The following ATP8A2 variants were observed in gnomAD, a reference collection of about 807,000 sequenced individuals.
ATP8A2 encodes phospholipid-transporting ATPase IB.
Under a neutral mutation model 165.6 loss-of-function variants are expected in ATP8A2, and 100 were observed. The observed-to-expected ratio is 0.60, with a 90% confidence interval of 0.51 to 0.71. The LOEUF (loss-of-function observed/expected upper bound fraction) is 0.71, where lower values mean the gene tolerates loss of function less well. Among genes scored for constraint, ATP8A2 ranks in the 30% least tolerant of loss-of-function variants. The probability of loss-of-function intolerance (pLI) is 0.00; values close to 1 mark genes in which losing one functional copy is unlikely to be tolerated. For missense variants in ATP8A2, 1,227 were observed against 1,479.5 expected, an observed-to-expected ratio of 0.83 and a Z score of 2.80; for synonymous variants, 543 against 548.8, an observed-to-expected ratio of 0.99 and a Z score of 0.15.
chr13:26,007,281 A>C (rs1286512093), intron 35 of ATP8A2, among the ~76,000 whole-genome samples: 1 of 152,204 alleles, frequency 6.6e-6, no homozygotes, highest in Non-Finnish European at 1.5e-5. Context: ...CCTTTCCTCC[A>C]AAGAAGAGAA....
intron 2 of ATP8A2, among the ~76,000 whole-genome samples, chr13:25,522,509 A>G (rs188360641): frequency 1.1e-3 from 173 of 152,052 alleles, no homozygotes; most frequent in African/African-American, 3.9e-3. Context: ...AAGGCTTTCA[A>G]TTTTTCCCAG....
chr13:25,429,496 C>T (rs565504950), intron 1 of ATP8A2, among the ~76,000 whole-genome samples: 1 of 151,750 alleles, frequency 6.6e-6, no homozygotes, highest in African/African-American at 2.4e-5. Flanking sequence ...AGCTGGATGG[C>T]TGGGTGGGTG....
intron 25 of ATP8A2, among the ~76,000 whole-genome samples, chr13:25,733,885 A>G (rs1037247887): frequency 6.6e-6 from 1 of 152,124 alleles, no homozygotes; most frequent in African/African-American, 2.4e-5. Context: ...CTTTGATGTC[A>G]GCACCTTTTT....
intron 27 of ATP8A2, among the ~76,000 whole-genome samples, chr13:25,793,109 G>A (rs2045224881): frequency 6.6e-6 from 1 of 152,148 alleles, no homozygotes; most frequent in Non-Finnish European, 1.5e-5. Flanking sequence ...CACACTGACT[G>A]TAAAAAGTTC....
intron 1 of ATP8A2, among the ~76,000 whole-genome samples, chr13:25,423,528 AT>A (rs890890082): frequency 3.3e-5 from 5 of 152,064 alleles, no homozygotes; most frequent in Non-Finnish European, 5.9e-5. Context: ...CTTCCATGTG[AT>A]TTTTTTCTAA....
At chr13:25,775,010 A>G in intron 27 of ATP8A2, 51 bp downstream of exon 27, 2 of 1,032,288 alleles carry the variant, frequency 1.9e-6, no homozygotes, top group Non-Finnish European at 1.5e-6. Context: ...TTAAGAGGAT[A>G]TCTTGAGGTA....
chr13:25,609,835 C>A (rs960765233), intron 24 of ATP8A2, among the ~76,000 whole-genome samples: 13 of 151,044 alleles, frequency 8.6e-5, no homozygotes, highest in African/African-American at 3.2e-4. Flanking sequence ...GGTGGTATCC[C>A]ATTGTGGTTT....
intron 1 of ATP8A2, among the ~76,000 whole-genome samples, chr13:25,425,142 A>G (rs540334021): frequency 5.1e-4 from 78 of 152,212 alleles, no homozygotes; most frequent in Admixed American, 2.2e-3. Flanking sequence ...GCTGAAGTAC[A>G]CACCCTGAAA....
intron 25 of ATP8A2, among the ~76,000 whole-genome samples, chr13:25,742,681 C>T (rs200370067): frequency 0.03 from 3,909 of 130,676 alleles, 62 homozygotes; most frequent in South Asian, 0.053. Context: ...CTCTCTCTGT[C>T]TTTTTTTTTT....
intron 17 of ATP8A2, among the ~76,000 whole-genome samples, chr13:25,571,396 C>G (rs1223664018): frequency 6.6e-6 from 1 of 152,228 alleles, no homozygotes; most frequent in Non-Finnish European, 1.5e-5. Context: ...GGTGAATTAG[C>G]ATATATCCAA....
At chr13:25,807,141 C>T (rs1316316111) in intron 27 of ATP8A2, among the ~76,000 whole-genome samples, 1 of 121,274 alleles carries the variant, frequency 8.2e-6, no homozygotes, top group East Asian at 2.5e-4. Flanking sequence ...TGTCTTTTCA[C>T]CTTCTTTATA....
rs367895127 is a variant in ATP8A2 at position 25,879,882 on chromosome 13, A to G, written c.3183+17474A>G. ...GAATATCTTCTCCCAGTGAGAAGAC[A>G]TATTTGCCTAACTCAATCGATAATT... On this transcript the variant is annotated intron_variant, in intron 33 of 36. Transcript: ENST00000381655. Among the ~76,000 whole-genome samples the G allele has an allele frequency of 2.8e-4, 43 of 152,356 alleles. 2 individuals carry two copies. The South Asian group carries it at 7.9e-3, about 28-fold the overall frequency.
chr13:25,607,020 C>G (rs895735329), intron 24 of ATP8A2, among the ~76,000 whole-genome samples: 1 of 152,134 alleles, frequency 6.6e-6, no homozygotes, highest in Admixed American at 6.5e-5. Flanking sequence ...CCATTTACCA[C>G]GTGAGCTCCA....
chr13:25,541,756 G>A (rs1181557319), intron 8 of ATP8A2, among the ~76,000 whole-genome samples, 163 bp from the exon 9 acceptor site: 1 of 152,162 alleles, frequency 6.6e-6, no homozygotes, highest in Non-Finnish European at 1.5e-5. Context: ...AAAAGCTACT[G>A]GAAAAGTCTG....
chr13:25,688,121 G>A (rs988020682), intron 24 of ATP8A2, among the ~76,000 whole-genome samples: 1 of 63,628 alleles, frequency 1.6e-5, no homozygotes, highest in African/African-American at 4.6e-5. Context: ...GCTGTTGTGT[G>A]GCTGTTTTGT....
intron 2 of ATP8A2, among the ~76,000 whole-genome samples, chr13:25,518,109 T>C (rs1402610920): frequency 6.6e-6 from 1 of 152,168 alleles, no homozygotes; most frequent in Non-Finnish European, 1.5e-5. Flanking sequence ...GGCTTTTGCA[T>C]TTGGTGGTGT....
chr13:26,010,239 G>A (rs912087801), intron 35 of ATP8A2, among the ~76,000 whole-genome samples: 6 of 152,150 alleles, frequency 3.9e-5, no homozygotes, highest in African/African-American at 1.4e-4. Context: ...TGCCTGGTGA[G>A]AGGCCAACAT....
At chr13:25,436,743 C>G (rs2034788847) in intron 1 of ATP8A2, among the ~76,000 whole-genome samples, 1 of 151,754 alleles carries the variant, frequency 6.6e-6, no homozygotes, top group Non-Finnish European at 1.5e-5. Context: ...AAGCACCCCC[C>G]TTTTTCTGCA....
At chr13:25,399,397 CTTTTT>C (rs71077467) in intron 1 of ATP8A2, among the ~76,000 whole-genome samples, 8 of 74,056 alleles carry the variant, frequency 1.1e-4, no homozygotes, top group African/African-American at 2.5e-4. Context: ...AGTGGTTCTT[CTTTTT>C]TTTTTTTTTT....
Sources: allele counts gnomAD v4.1 joint callset (sites outside exome capture counted in the v4.1 genomes callset), GRCh38; gene constraint gnomAD v4.1.1; transcripts MANE v1.5; gene names NCBI Gene and HGNC (gene_info 2026-07-23, HGNC 2026-07-21).